The following PRELID2 variants were observed in gnomAD, a reference collection of about 807,000 sequenced individuals.
The protein encoded by PRELID2 is PRELI domain-containing protein 2.
PRELID2 carries 25 observed loss-of-function variants against 28.4 expected under a neutral mutation model. That is an observed-to-expected ratio of 0.88 (90% CI 0.64 to 1.23). PRELID2 has a LOEUF of 1.23. PRELID2 is among the 50% of genes most tolerant of loss of function. The probability of loss-of-function intolerance (pLI) is 0.00; values close to 1 mark genes in which losing one functional copy is unlikely to be tolerated. For synonymous variants in PRELID2, 76 were observed against 71.6 expected (o/e 1.06, Z -0.31); for missense variants, 201 against 214.4 (o/e 0.94, Z 0.39).
intron 1 of PRELID2, chr5:145,704,303 C>T (rs959478089): frequency 6.6e-6 from 1 of 152,152 alleles, no homozygotes. Flanking sequence ...AACCTGGAAA[C>T]AATGTAAAAG....
chr5:145,693,797 A>T (rs1360200557), intron 1 of PRELID2, among the ~76,000 whole-genome samples: 5 of 152,188 alleles, frequency 3.3e-5, no homozygotes, highest in African/African-American at 1.2e-4. Flanking sequence ...TTAAAATTAT[A>T]AAAATTGAAA....
chr5:145,436,464 C>T, the PRELID2 span, among the ~76,000 whole-genome samples: 1 of 152,126 alleles, frequency 6.6e-6, no homozygotes, highest in Non-Finnish European at 1.5e-5. Context: ...AATGGGATTG[C>T]TGGGTAGAAT....
the PRELID2 span, among the ~76,000 whole-genome samples, chr5:145,405,528 C>T: frequency 1.3e-5 from 2 of 151,998 alleles, no homozygotes; most frequent in South Asian, 2.1e-4. Context: ...ACATAATGAC[C>T]TCCAGTTCCC....
chr5:145,415,732 A>T, the PRELID2 span, among the ~76,000 whole-genome samples: 1 of 151,888 alleles, frequency 6.6e-6, no homozygotes, highest in East Asian at 1.9e-4. Flanking sequence ...ATAGTGCCAC[A>T]ATAAACATAT....
chr5:145,767,271 G>C (rs989847521), intron 5 of PRELID2, among the ~76,000 whole-genome samples: 6 of 152,000 alleles, frequency 3.9e-5, no homozygotes, highest in African/African-American at 1.5e-4. Flanking sequence ...GGACCTCAGA[G>C]AGGAATTCAG....
chr5:145,564,410 C>G (rs1025091994), intron 1 of PRELID2, among the ~76,000 whole-genome samples: 14 of 152,174 alleles, frequency 9.2e-5, no homozygotes, highest in African/African-American at 3.4e-4. Context: ...GAATGTCCCT[C>G]ACTCTTGTCC....
intron 1 of PRELID2, among the ~76,000 whole-genome samples, chr5:145,710,075 G>A (rs571098812): frequency 3.3e-5 from 5 of 152,242 alleles, no homozygotes; most frequent in East Asian, 1.9e-4. Context: ...AAAGGATGAT[G>A]GAAGAGGATT....
At chr5:145,349,532 GT>G in the PRELID2 span, among the ~76,000 whole-genome samples, 4 of 151,758 alleles carry the variant, frequency 2.6e-5, no homozygotes, top group African/African-American at 9.7e-5. Flanking sequence ...CAGGATAATT[GT>G]TTCTTGAAAC....
chr5:145,448,247 T>G, the PRELID2 span, among the ~76,000 whole-genome samples: 7 of 151,018 alleles, frequency 4.6e-5, no homozygotes, highest in Non-Finnish European at 5.9e-5. Flanking sequence ...TTTTCATGTG[T>G]TTTTTGGCTG....
At chr5:145,636,539 A>T (rs996861374) in intron 1 of PRELID2, among the ~76,000 whole-genome samples, 1 of 152,190 alleles carries the variant, frequency 6.6e-6, no homozygotes, top group Non-Finnish European at 1.5e-5. Flanking sequence ...CCAAATCCTG[A>T]CCTATTTCTA....
At chr5:145,412,858 C>G in the PRELID2 span, among the ~76,000 whole-genome samples, 4 of 152,272 alleles carry the variant, frequency 2.6e-5, no homozygotes, top group East Asian at 5.8e-4. Context: ...GAAGGCACGT[C>G]TTCACAGGGT....
At chr5:145,729,792 C>T (rs1581107780) in intron 1 of PRELID2, among the ~76,000 whole-genome samples, 6 of 152,200 alleles carry the variant, frequency 3.9e-5, no homozygotes, top group Admixed American at 3.9e-4. Context: ...GCAATGAAGT[C>T]CGGTGGAGTC....
At chr5:145,457,270 T>TA in the PRELID2 span, among the ~76,000 whole-genome samples, 7 of 152,206 alleles carry the variant, frequency 4.6e-5, no homozygotes, top group South Asian at 1.0e-3. Flanking sequence ...AAAATGATCA[T>TA]ATCAATCATC....
At chr5:145,587,534 T>C (rs947068151) in intron 1 of PRELID2, among the ~76,000 whole-genome samples, 7 of 152,156 alleles carry the variant, frequency 4.6e-5, no homozygotes, top group African/African-American at 1.7e-4. Context: ...TACTAAAATA[T>C]ATCTTTGGGG....
the PRELID2 span, among the ~76,000 whole-genome samples, chr5:145,357,951 G>T: frequency 1.3e-5 from 2 of 151,606 alleles, no homozygotes. Context: ...GGTGCCATTG[G>T]TTGTTTGGTT....
chr5:145,263,239 G>A, the PRELID2 span, among the ~76,000 whole-genome samples: 1 of 151,972 alleles, frequency 6.6e-6, no homozygotes, highest in East Asian at 1.9e-4. Flanking sequence ...AATAATAGTG[G>A]GGGACTTAAA....
intron 1 of PRELID2, among the ~76,000 whole-genome samples, chr5:145,505,179 T>C (rs967882530): frequency 2.6e-5 from 4 of 152,192 alleles, no homozygotes; most frequent in Admixed American, 6.6e-5. Context: ...TCTGATTCAA[T>C]AGATTTCTAT....
At chr5:145,553,188 C>G (rs961414145) in intron 1 of PRELID2, among the ~76,000 whole-genome samples, 1 of 141,344 alleles carries the variant, frequency 7.1e-6, no homozygotes. Flanking sequence ...GAGGACCCCC[C>G]CCCCCAAAAA....
the PRELID2 span, among the ~76,000 whole-genome samples, chr5:145,330,072 T>C: frequency 2.0e-5 from 3 of 152,294 alleles, no homozygotes; most frequent in Admixed American, 6.5e-5. Flanking sequence ...TGATGGATTA[T>C]GTTTTTTGAT....
Sources: gnomAD v4.1 joint callset for allele counts (sites outside exome capture counted in the v4.1 genomes callset) on GRCh38, gnomAD v4.1.1 for gene constraint, MANE v1.5 for transcripts, NCBI Gene and HGNC (gene_info 2026-07-23, HGNC 2026-07-21) for gene names.